Variants in BRI3 observed in about 807,000 individuals in gnomAD.
The protein encoded by BRI3 is membrane protein BRI3.
BRI3 carries 6 observed loss-of-function variants against 12.8 expected under a neutral mutation model. The observed-to-expected ratio is 0.47, with a 90% CI of 0.26 to 0.93. The LOEUF (loss-of-function observed/expected upper bound fraction) is 0.93, where lower values mean the gene tolerates loss of function less well. Among genes scored for constraint, BRI3 ranks in the 40% least tolerant of loss-of-function variants. BRI3 has a pLI of 0.15. For synonymous variants in BRI3, 91 were observed against 76.1 expected (o/e 1.20, Z -1.02); for missense variants, 134 against 171.1 (o/e 0.78, Z 1.21).
downstream of BRI3, chr7:98,312,063 C>T (rs1268365006): frequency 1.1e-5 from 17 of 1,555,370 alleles, no homozygotes; most frequent in Non-Finnish European, 1.3e-5. Context: ...AGGAAACACA[C>T]GATTGAAATC....
chr7:98,319,992 G>A, the BRI3 span: 13 of 1,320,512 alleles, frequency 9.8e-6, no homozygotes, highest in African/African-American at 1.5e-5. Context: ...CAGTGGGAAC[G>A]AGTTCTCCCC....
At chr7:98,304,800 G>A (rs1800575121), upstream of BRI3, among the ~76,000 whole-genome samples, 2 of 151,666 alleles carry the variant, frequency 1.3e-5, no homozygotes, top group East Asian at 2.0e-4. Flanking sequence ...ATTACAGCAT[G>A]AGCCACCACA....
the BRI3 span, chr7:98,315,623 A>AT: frequency 0.41 from 488,807 of 1,193,920 alleles, 113,987 homozygotes; most frequent in Middle Eastern, 0.48. Context: ...CTAAAAAAAA[A>AT]AAAATAATAA....
At chr7:98,288,737 C>G (rs555873484) in intron 2 of BRI3, among the ~76,000 whole-genome samples, 16 of 152,094 alleles carry the variant, frequency 1.1e-4, no homozygotes, top group African/African-American at 3.6e-4. Context: ...AACAATCCCC[C>G]TTTTCCAAAT....
In BRI3 at chr7:98,282,612, G is replaced by T; in HGVS notation, c.245+159G>T. 1.1e-5 allele frequency: 7 copies of T among 638,102 alleles called. No individual in the cohort carries two copies. The East Asian group carries it at 1.7e-4, about 15-fold the overall frequency. 39.5% of individuals were successfully genotyped at this position (638,102 alleles called of 1,614,324 possible). A position where few individuals can be genotyped will look rare whatever the true frequency, so the allele number is the denominator to read the frequency against. On this transcript the variant is annotated intron_variant, in intron 2 of 2. Transcript: ENST00000297290. Reference sequence around the variant, plus strand: ...AGGGACAGACAGGCTGCCCGAATGCGGTGTGGGAGAGTGCGGGTCCGCTCA... The same window carrying T: ...AGGGACAGACAGGCTGCCCGAATGCTGTGTGGGAGAGTGCGGGTCCGCTCA...
At chr7:98,317,827 G>A in the BRI3 span, among the ~76,000 whole-genome samples, 1 of 132,328 alleles carries the variant, frequency 7.6e-6, no homozygotes, top group East Asian at 2.2e-4. Context: ...GGCTGGGACT[G>A]TCACCCCGTA....
chr7:98,314,937 G>A (rs1156499916), downstream of BRI3, among the ~76,000 whole-genome samples: 1 of 152,170 alleles, frequency 6.6e-6, no homozygotes, highest in Non-Finnish European at 1.5e-5. Flanking sequence ...CTTTAAATAT[G>A]GATGTATTAT....
the BRI3 span, among the ~76,000 whole-genome samples, chr7:98,315,912 C>A: frequency 1.3e-5 from 2 of 152,164 alleles, no homozygotes; most frequent in South Asian, 2.1e-4. Flanking sequence ...GAAAGCACCA[C>A]GGGCTTTGGA....
chr7:98,293,694 C>T (rs1031251453), downstream of BRI3: 15 of 1,183,700 alleles, frequency 1.3e-5, no homozygotes, highest in Middle Eastern at 2.5e-4. Flanking sequence ...TGAGACTGGG[C>T]GGCTGACCAC....
At chr7:98,315,988 T>C in the BRI3 span, among the ~76,000 whole-genome samples, 1 of 152,188 alleles carries the variant, frequency 6.6e-6, no homozygotes, top group Non-Finnish European at 1.5e-5. Context: ...TTTGGCTGTG[T>C]CCCCACCCAA....
chr7:98,286,328 G>A (rs1441038724), intron 2 of BRI3, among the ~76,000 whole-genome samples: 4 of 152,350 alleles, frequency 2.6e-5, no homozygotes, highest in Middle Eastern at 3.4e-3. Flanking sequence ...AGCTCTGAGT[G>A]GATGACAGTG....
upstream of BRI3, chr7:98,306,411 G>A (rs371518872): frequency 8.1e-6 from 13 of 1,612,854 alleles, 1 homozygote; most frequent in South Asian, 3.3e-5. Flanking sequence ...TTCTGTCACC[G>A]GGAGAGCTCA....
the BRI3 span, among the ~76,000 whole-genome samples, chr7:98,316,394 G>A: frequency 3.9e-5 from 6 of 152,140 alleles, no homozygotes; most frequent in Non-Finnish European, 7.3e-5. Context: ...TAGTAACACT[G>A]ATCATGGAGA....
At chr7:98,315,625 A>ACAAT in the BRI3 span, 1 of 1,130,960 alleles carries the variant, frequency 8.8e-7, no homozygotes, top group South Asian at 2.7e-5. Flanking sequence ...AAAAAAAAAA[A>ACAAT]AATAATAATA....
chr7:98,317,868 C>G, the BRI3 span, among the ~76,000 whole-genome samples: 1 of 150,488 alleles, frequency 6.6e-6, no homozygotes. Context: ...GGCTGGGACC[C>G]TCACTCTGCA....
At chr7:98,290,052 C>T (rs1279273131) in intron 2 of BRI3, among the ~76,000 whole-genome samples, 3 of 152,194 alleles carry the variant, frequency 2.0e-5, no homozygotes, top group African/African-American at 7.2e-5. Context: ...TAACCCACCC[C>T]CGCTACCAAA....
At chr7:98,321,333 G>A in the BRI3 span, among the ~76,000 whole-genome samples, 1,332 of 152,246 alleles carry the variant, frequency 8.7e-3, 19 homozygotes, top group African/African-American at 0.03. Context: ...TGTCAGGCAC[G>A]AGAGATAAAG....
At chr7:98,320,286 A>C in the BRI3 span, 106 of 1,606,506 alleles carry the variant, frequency 6.6e-5, no homozygotes, top group African/African-American at 1.3e-3. Context: ...TGAAATCTCT[A>C]TGAGGACATG....
chr7:98,311,899 G>T (rs1800886419), downstream of BRI3, among the ~76,000 whole-genome samples: 1 of 152,054 alleles, frequency 6.6e-6, no homozygotes, highest in African/African-American at 2.4e-5. Context: ...GAGCAAGAAA[G>T]ACTCCACCTT....
Sources: gnomAD v4.1 joint callset for allele counts (sites outside exome capture counted in the v4.1 genomes callset) on GRCh38, gnomAD v4.1.1 for gene constraint, MANE v1.5 for transcripts, NCBI Gene and HGNC (gene_info 2026-07-23, HGNC 2026-07-21) for gene names.